The following TCTN2 variants were observed in gnomAD, a reference collection of about 807,000 sequenced individuals.
TCTN2 encodes tectonic-2.
Under a neutral mutation model 83.4 loss-of-function variants are expected in TCTN2, and 66 were observed. The ratio of observed to expected loss-of-function variants is 0.79; its 90% CI spans 0.65 to 0.97. TCTN2 has a LOEUF of 0.97. TCTN2 is among the 50% of genes least tolerant of loss of function. TCTN2 has a pLI of 0.00. For synonymous variants in TCTN2, 301 were observed against 326.7 expected (o/e 0.92, Z 0.85); for missense variants, 794 against 858.1 (o/e 0.93, Z 0.93).
At chr12:123,671,380 AAGGGCC>A (rs778108193) in intron 1 of TCTN2, 58 bp downstream of exon 1, 1 of 1,603,470 alleles carries the variant, frequency 6.2e-7, no homozygotes, top group Non-Finnish European at 8.5e-7. Flanking sequence ...TGGGCGTTAA[AAGGGCC>A]AGACTTGGAC....
chr12:123,687,934 A>G, intron 6 of TCTN2, 117 bp from the exon 7 acceptor site: 1 of 1,428,516 alleles, frequency 7.0e-7, no homozygotes, highest in Non-Finnish European at 9.7e-7. Context: ...ACTGCACTCC[A>G]GCCTGGGTGA....
At chr12:123,690,724 A>C in intron 8 of TCTN2, 50 bp downstream of exon 8, 1 of 1,598,640 alleles carries the variant, frequency 6.3e-7, no homozygotes, top group South Asian at 1.1e-5. Context: ...CATGAATATA[A>C]AGTATGATCT....
At chr12:123,702,271 C>T (rs1956181307) in intron 14 of TCTN2, among the ~76,000 whole-genome samples, 1 of 152,232 alleles carries the variant, frequency 6.6e-6, no homozygotes, top group Admixed American at 6.5e-5. Flanking sequence ...CTCTGCCCCT[C>T]TCCTCTGCCT....
chr12:123,693,376 CTTTTTTT>C (rs373196834), intron 9 of TCTN2, among the ~76,000 whole-genome samples: 1 of 92,952 alleles, frequency 1.1e-5, no homozygotes, highest in African/African-American at 4.4e-5. Context: ...GCTTTCTTTC[CTTTTTTT>C]TTTTTTTTTT....
intron 8 of TCTN2, among the ~76,000 whole-genome samples, chr12:123,692,057 G>C (rs1956049651): frequency 2.0e-5 from 3 of 152,130 alleles, no homozygotes; most frequent in Admixed American, 2.0e-4. Context: ...ACCACGCCCT[G>C]CTAATTTTTG....
chr12:123,697,052 A>C (rs770637757), intron 12 of TCTN2, 35 bp from the exon 13 acceptor site: 2 of 1,547,140 alleles, frequency 1.3e-6, no homozygotes, highest in Non-Finnish European at 1.8e-6. Context: ...TTGTTTAGCA[A>C]AAAGTAGCAA....
At chr12:123,674,094 C>A (rs1344872933) in intron 4 of TCTN2, among the ~76,000 whole-genome samples, 1 of 152,178 alleles carries the variant, frequency 6.6e-6, no homozygotes, top group Admixed American at 6.5e-5. Context: ...AAGTATACTT[C>A]ACTTGAGTCT....
intron 9 of TCTN2, among the ~76,000 whole-genome samples, chr12:123,693,278 G>T (rs1956067196): frequency 6.6e-6 from 1 of 151,050 alleles, no homozygotes; most frequent in Non-Finnish European, 1.5e-5. Flanking sequence ...CACTTGCCTT[G>T]GCCTCCCAAA....
chr12:123,679,148 AT>A (rs1955862409), intron 4 of TCTN2, 40 bp from the exon 5 acceptor site: 1 of 1,528,788 alleles, frequency 6.5e-7, no homozygotes, highest in Non-Finnish European at 9.1e-7. Flanking sequence ...CTTTGTCGGA[AT>A]GTTTCTTAGC....
At chr12:123,704,954 T>TA (rs1482990344) in intron 15 of TCTN2, among the ~76,000 whole-genome samples, 2 of 152,040 alleles carry the variant, frequency 1.3e-5, no homozygotes, top group Admixed American at 6.6e-5. Context: ...CCCTTAGTAC[T>TA]AAGTATATTT....
chr12:123,707,754 T>C lies in TCTN2; in HGVS notation c.*41T>C. ...TTATTTTTTTGAGATGGAGTTTTGC[T>C]CTTGTTGCCCAGGCTGAAGTGATCT... On this transcript the variant is annotated 3_prime_UTR_variant, in exon 18 of 18. Transcript: ENST00000303372. 2 of 1,512,960 alleles carry C rather than the reference T, an allele frequency of 1.3e-6. No individual in the cohort carries two copies. Among genetic ancestry groups the C allele is most frequent in the Non-Finnish European group, 1.8e-6 (2 of 1,088,876 alleles). 93.7% of individuals were successfully genotyped at this position (1,512,960 alleles called of 1,614,324 possible). A position where few individuals can be genotyped will look rare whatever the true frequency, so the allele number is the denominator to read the frequency against.
intron 5 of TCTN2, among the ~76,000 whole-genome samples, chr12:123,685,210 C>A (rs143188407): frequency 6.6e-6 from 1 of 152,096 alleles, no homozygotes; most frequent in African/African-American, 2.4e-5. Context: ...CAGCCCCTGA[C>A]GTCCTTTAGT....
At chr12:123,699,851 G>C (rs762189813) in intron 14 of TCTN2, 41 bp downstream of exon 14, 3 of 1,510,172 alleles carry the variant, frequency 2.0e-6, no homozygotes, top group Non-Finnish European at 2.8e-6. Context: ...TAACTTGGTT[G>C]CTGTGACTAC....
intron 6 of TCTN2, among the ~76,000 whole-genome samples, chr12:123,687,546 A>G (rs1955987219): frequency 6.6e-6 from 1 of 152,158 alleles, no homozygotes. Context: ...AGTCCCAGCT[A>G]CTAGGGAGGC....
intron 8 of TCTN2, among the ~76,000 whole-genome samples, chr12:123,691,997 C>T (rs1447162303): frequency 4.6e-5 from 7 of 152,044 alleles, no homozygotes; most frequent in Admixed American, 1.3e-4. Context: ...TGGGTTCAAG[C>T]GATTCTCCTG....
At position 123,671,705 on chromosome 12, in the gene TCTN2, CT is replaced by C. The variant is rs3215247; in HGVS notation, c.190+92del. ...GGAGAGGTGGCATCCTTGGGGCCCC[CT>C]GCCTCTGTTCTCTGCAAAGTCGCAT... On this transcript the variant is annotated intron_variant, in intron 2 of 17. Transcript: ENST00000303372. The C allele has an allele frequency of 4.7e-3, 5,459 of 1,155,564 alleles. 170 individuals carry two copies. In the Admixed American group the frequency reaches 0.055, roughly 12 times the overall value. The allele number at this position is 1,155,564 out of a possible 1,614,324, so 71.6% of individuals were successfully genotyped here.
At chr12:123,706,005 C>G (rs1057128822) in intron 15 of TCTN2, among the ~76,000 whole-genome samples, 6 of 152,136 alleles carry the variant, frequency 3.9e-5, no homozygotes, top group African/African-American at 1.4e-4. Context: ...ATCTGCCTGC[C>G]TCAGCCTCCC....
rs541557362 is a variant in TCTN2 at position 123,688,681 on chromosome 12, T to C, written c.891+504T>C. Among the ~76,000 whole-genome samples, 21 of 152,346 alleles carry C rather than the reference T, an allele frequency of 1.4e-4. No homozygotes were observed. In the South Asian group the frequency reaches 4.3e-3, roughly 32 times the overall value. On this transcript the variant is annotated intron_variant, in intron 7 of 17. Coordinates refer to ENST00000303372, the MANE Select transcript of TCTN2 (RefSeq NM_024809.5). Reference sequence around the variant, plus strand: ...TATAGTCACTCTTAATCACTGTCTTTGCTTAAAACTCAGAGTGAACTTACA... The same window carrying C: ...TATAGTCACTCTTAATCACTGTCTTCGCTTAAAACTCAGAGTGAACTTACA...
intron 14 of TCTN2, among the ~76,000 whole-genome samples, chr12:123,702,907 A>G (rs139604885): frequency 3.1e-4 from 47 of 152,316 alleles, no homozygotes; most frequent in African/African-American, 1.1e-3. Flanking sequence ...TGACACATGT[A>G]TAAGGAAATT....
Sources: allele counts gnomAD v4.1 joint callset (sites outside exome capture counted in the v4.1 genomes callset), GRCh38; gene constraint gnomAD v4.1.1; transcripts MANE v1.5; gene names NCBI Gene and HGNC (gene_info 2026-07-23, HGNC 2026-07-21).